Variants in ACACA observed in about 807,000 individuals in gnomAD.
The protein encoded by ACACA is acetyl-CoA carboxylase 1.
ACACA carries 103 observed loss-of-function variants against 296.1 expected under a neutral mutation model. The observed-to-expected ratio is 0.35, with a 90% CI of 0.30 to 0.41. ACACA has a LOEUF of 0.41. Among genes scored for constraint, ACACA ranks in the 10% least tolerant of loss-of-function variants. The pLI, the probability that ACACA is intolerant of heterozygous loss-of-function variation, is 1.00. For missense variants in ACACA, 1,554 were observed against 2,989.7 expected, an observed-to-expected ratio of 0.52 and a Z score of 11.20; for synonymous variants, 953 against 1,038.6, an observed-to-expected ratio of 0.92 and a Z score of 1.58.
In ACACA at chr17:37,130,220, T is replaced by A; in HGVS notation, c.5680-2A>T. 6.2e-7 allele frequency: 1 copy of A among 1,614,182 alleles called. No homozygotes were observed. Among genetic ancestry groups the A allele is most frequent in the South Asian group, 1.1e-5 (1 of 91,082 alleles). ...GGTGTACACTTCCCGCCCGAGGACC[T>A]AGAGAAAAGAGCAAGAGAAAAGACA... is the stretch of plus-strand genomic sequence containing the variant. On this transcript the variant is annotated splice_acceptor_variant, in intron 45 of 55. Transcript: ENST00000616317. LOFTEE classifies it high-confidence loss of function.
chr17:37,309,998 C>T (rs1346978581), intron 3 of ACACA, among the ~76,000 whole-genome samples: 1 of 152,060 alleles, frequency 6.6e-6, no homozygotes, highest in African/African-American at 2.4e-5. Context: ...GTCCTGTTTG[C>T]ACTACTCCAG....
chr17:37,289,980 G>C (rs1317307996), intron 3 of ACACA, among the ~76,000 whole-genome samples: 1 of 152,178 alleles, frequency 6.6e-6, no homozygotes, highest in Non-Finnish European at 1.5e-5. Flanking sequence ...CTTGAGGTCA[G>C]AGATTCTTAT....
chr17:37,114,555 A>G (rs1035227380), intron 50 of ACACA, among the ~76,000 whole-genome samples: 2 of 146,866 alleles, frequency 1.4e-5, no homozygotes, highest in Non-Finnish European at 3.0e-5. Flanking sequence ...AAAAAAAAAG[A>G]GTACATTTTG....
intron 3 of ACACA, among the ~76,000 whole-genome samples, chr17:37,322,731 A>T (rs1044215647): frequency 2.0e-5 from 3 of 152,122 alleles, no homozygotes; most frequent in African/African-American, 7.2e-5. Flanking sequence ...TGGTGGAACG[A>T]CAAGGCAGAG....
intron 11 of ACACA, among the ~76,000 whole-genome samples, chr17:37,260,721 A>G (rs1457186012): frequency 6.6e-6 from 1 of 152,164 alleles, no homozygotes; most frequent in Non-Finnish European, 1.5e-5. Flanking sequence ...ATGAGAACAC[A>G]CTAAGAACAC....
At chr17:37,200,316 T>C (rs2078188076) in intron 34 of ACACA, 111 bp downstream of exon 34, 1 of 1,362,426 alleles carries the variant, frequency 7.3e-7, no homozygotes, top group Non-Finnish European at 1.0e-6. Context: ...AGAAAAGTGG[T>C]TATTTCTCTG....
chr17:37,396,333 C>A (rs1355719945), intron 1 of ACACA, among the ~76,000 whole-genome samples: 11 of 108,802 alleles, frequency 1.0e-4, no homozygotes, highest in African/African-American at 3.5e-4. Flanking sequence ...GAGTGAGACT[C>A]CATCTCAAAA....
intron 2 of ACACA, among the ~76,000 whole-genome samples, chr17:37,331,394 C>T (rs891689700): frequency 6.7e-6 from 1 of 149,348 alleles, no homozygotes; most frequent in Admixed American, 6.7e-5. Flanking sequence ...AGGTGTGAGC[C>T]ACCGCACCCG....
At chr17:37,138,098 T>G (rs2075406502) in intron 45 of ACACA, among the ~76,000 whole-genome samples, 1 of 152,232 alleles carries the variant, frequency 6.6e-6, no homozygotes, top group African/African-American at 2.4e-5. Flanking sequence ...CAGAAAATCT[T>G]GAAGCCCAGG....
At chr17:37,089,117 A>G (rs777235984) in intron 54 of ACACA, 43 bp from the exon 55 acceptor site, 1 of 1,613,828 alleles carries the variant, frequency 6.2e-7, no homozygotes, top group East Asian at 2.2e-5. Flanking sequence ...GGGTCAGGCC[A>G]GGCCGGGACA....
chr17:37,296,272 G>A (rs2083321493), intron 3 of ACACA, among the ~76,000 whole-genome samples: 2 of 149,482 alleles, frequency 1.3e-5, no homozygotes, highest in Admixed American at 6.6e-5. Context: ...TCCTCACAGA[G>A]TGGAAGGGGA....
chr17:37,174,485 T>C (rs1268000023), intron 41 of ACACA, among the ~76,000 whole-genome samples: 2 of 152,056 alleles, frequency 1.3e-5, no homozygotes, highest in Non-Finnish European at 2.9e-5. Flanking sequence ...TTAAGAGTGG[T>C]AGTGTGTGTA....
intron 24 of ACACA, 80 bp downstream of exon 24, chr17:37,240,394 TAC>T: frequency 8.0e-7 from 1 of 1,245,304 alleles, no homozygotes; most frequent in Non-Finnish European, 1.2e-6. Flanking sequence ...GCTTAGCTCT[TAC>T]ACAGTCCTAT....
At chr17:37,228,364 C>A (rs2079656820) in intron 25 of ACACA, among the ~76,000 whole-genome samples, 1 of 151,904 alleles carries the variant, frequency 6.6e-6, no homozygotes, top group Admixed American at 6.6e-5. Context: ...CCATTTCACC[C>A]AGATAATTCA....
intron 1 of ACACA, chr17:37,359,141 G>C: frequency 1.0e-6 from 1 of 985,442 alleles, no homozygotes; most frequent in Admixed American, 6.1e-5. Context: ...GAAGGGGCGG[G>C]GCTTCAGGGG....
chr17:37,129,357 A>T lies in ACACA; in HGVS notation c.5944+8T>A, dbSNP rs770265889. ...CAGGTACCATGGGGTCCTCAAACAT[A>T]TACATACTTGGGTGAGGACGGCCTG... On this transcript the variant is annotated splice_region_variant and intron_variant, in intron 47 of 55. Transcript: ENST00000616317. 3.1e-6 allele frequency: 5 copies of T among 1,613,912 alleles called. No individual in the cohort carries two copies. Among genetic ancestry groups the T allele is most frequent in the Non-Finnish European group, 3.4e-6 (4 of 1,179,958 alleles).
chr17:37,118,422 T>C (rs991776146), intron 50 of ACACA, among the ~76,000 whole-genome samples: 1 of 152,238 alleles, frequency 6.6e-6, no homozygotes, highest in Non-Finnish European at 1.5e-5. Context: ...ATATTATGTA[T>C]ATTTTACCAC....
rs555564798 is a variant in ACACA at position 37,338,024 on chromosome 17, G to C, written c.85+1780C>G. On this transcript the variant is annotated intron_variant, in intron 2 of 55. Coordinates refer to ENST00000616317, the MANE Select transcript of ACACA (RefSeq NM_198834.3). ...AGGCAGGAGTATGGCGTGAACCCAGGGGGCGGAGCTTGCAGTGAGCAGAGA... is the reference window on the plus strand; with the variant it reads ...AGGCAGGAGTATGGCGTGAACCCAGCGGGCGGAGCTTGCAGTGAGCAGAGA... Among the ~76,000 whole-genome samples, 15 of 151,988 alleles carry C rather than the reference G, an allele frequency of 9.9e-5. No individual in the cohort carries two copies. In the South Asian group the frequency reaches 1.9e-3, roughly 19 times the overall value.
chr17:37,158,482 T>G, intron 42 of ACACA, among the ~76,000 whole-genome samples: 1 of 151,702 alleles, frequency 6.6e-6, no homozygotes, highest in Non-Finnish European at 1.5e-5. Context: ...CCAAAATAAT[T>G]AGCCAGGCAT....
Sources: gnomAD v4.1 joint callset for allele counts (sites outside exome capture counted in the v4.1 genomes callset) on GRCh38, gnomAD v4.1.1 for gene constraint, MANE v1.5 for transcripts, NCBI Gene and HGNC (gene_info 2026-07-23, HGNC 2026-07-21) for gene names.